PDE10A: variants seen among roughly 807,000 people sequenced by gnomAD.
PDE10A encodes phosphodiesterase 10A, also known as cAMP and cAMP-inhibited cGMP 3',5'-cyclic phosphodiesterase 10A.
A neutral mutation model predicts 97.7 loss-of-function variants in PDE10A; 39 were observed. The observed-to-expected ratio is 0.40, with a 90% CI of 0.31 to 0.52. The LOEUF (loss-of-function observed/expected upper bound fraction) is 0.52. PDE10A is among the 20% of genes least tolerant of loss of function. The pLI, the probability that PDE10A is intolerant of heterozygous loss-of-function variation, is 0.56. For missense variants in PDE10A, 731 were observed against 1,047.8 expected (o/e 0.70, Z 4.17); for synonymous variants, 371 against 376.8 (o/e 0.98, Z 0.18).
chr6:165,565,077 C>A (rs1784710377), intron 1 of PDE10A, among the ~76,000 whole-genome samples: 1 of 151,824 alleles, frequency 6.6e-6, no homozygotes, highest in South Asian at 2.1e-4. Context: ...CATAAAGTAG[C>A]CAAAAGAGAG....
chr6:165,663,864 G>A (rs940791903), upstream of PDE10A, among the ~76,000 whole-genome samples: 1 of 152,160 alleles, frequency 6.6e-6, no homozygotes, highest in Non-Finnish European at 1.5e-5. Context: ...ACCCCCTTCC[G>A]TAGCCATGAA....
intron 1 of PDE10A, among the ~76,000 whole-genome samples, chr6:165,874,058 A>C (rs549680013): frequency 1.3e-5 from 2 of 152,336 alleles, no homozygotes; most frequent in South Asian, 4.1e-4. Context: ...GAGAAAATGA[A>C]GCATTATGGT....
chr6:165,522,538 A>G (rs979161712), intron 2 of PDE10A, among the ~76,000 whole-genome samples: 5 of 152,132 alleles, frequency 3.3e-5, no homozygotes, highest in Non-Finnish European at 5.9e-5. Context: ...CTCAATAAAC[A>G]TACAGAAAAG....
intron 2 of PDE10A, among the ~76,000 whole-genome samples, chr6:165,493,743 C>T (rs1270465131): frequency 1.3e-5 from 2 of 152,000 alleles, no homozygotes; most frequent in African/African-American, 4.8e-5. Flanking sequence ...ATTGGAAAAA[C>T]CCTACTAGAC....
At chr6:165,982,754 A>G (rs1292120660) in intron 1 of PDE10A, among the ~76,000 whole-genome samples, 5 of 149,338 alleles carry the variant, frequency 3.3e-5, no homozygotes, top group Non-Finnish European at 6.0e-5. Context: ...AAATACAACT[A>G]TTCGGGGTTT....
intron 13 of PDE10A, among the ~76,000 whole-genome samples, chr6:165,405,398 A>G (rs1787057868): frequency 6.6e-6 from 1 of 152,238 alleles, no homozygotes; most frequent in South Asian, 2.1e-4. Context: ...CCAGCTATAT[A>G]TTTAACAATG....
rs537213819 is a variant in PDE10A, at chr6:165,568,112, C to T, written c.866-24544G>A. On this transcript the variant is annotated intron_variant, in intron 1 of 21. Coordinates refer to ENST00000539869, the MANE Select transcript of PDE10A (RefSeq NM_001385079.1). ...CTCCTGGGTTCACGCCATTCTCCTGCCTCAGCCTCCCGAGTAGCTGGGACT... is the reference window on the plus strand; with the variant it reads ...CTCCTGGGTTCACGCCATTCTCCTGTCTCAGCCTCCCGAGTAGCTGGGACT... Among the ~76,000 whole-genome samples the T allele has an allele frequency of 2.0e-5, 3 of 150,682 alleles. No homozygotes were observed. In the South Asian group the frequency reaches 6.3e-4, roughly 32 times the overall value.
At position 165,332,896 on chromosome 6, in the gene PDE10A, T is replaced by A; in HGVS notation, c.*129A>T. The A allele has an allele frequency of 4.4e-6, 3 of 677,674 alleles. No homozygotes were observed. The highest frequency in any genetic ancestry group is 5.3e-6 in the Non-Finnish European group (2 of 375,244). 42.0% of individuals were successfully genotyped at this position (677,674 alleles called of 1,614,324 possible). A position where few individuals can be genotyped will look rare whatever the true frequency, so the allele number is the denominator to read the frequency against. ...CTTGACTTATTTATTTGATGTTACCTTCTTGAAGAGGTTTGCACCCCAGTT... is the reference window on the plus strand; with the variant it reads ...CTTGACTTATTTATTTGATGTTACCATCTTGAAGAGGTTTGCACCCCAGTT... On this transcript the variant is annotated 3_prime_UTR_variant, in exon 22 of 22. Coordinates refer to ENST00000539869, the MANE Select transcript of PDE10A (RefSeq NM_001385079.1).
At chr6:165,804,612 G>A (rs1779066982) in intron 1 of PDE10A, among the ~76,000 whole-genome samples, 1 of 152,248 alleles carries the variant, frequency 6.6e-6, no homozygotes, top group East Asian at 1.9e-4. Flanking sequence ...GCCGGAGTTT[G>A]GAAACCTGGG....
intron 2 of PDE10A, among the ~76,000 whole-genome samples, chr6:165,485,362 G>A (rs1779844217): frequency 6.6e-6 from 1 of 151,508 alleles, no homozygotes; most frequent in Non-Finnish European, 1.5e-5. Flanking sequence ...CAGCTACTCT[G>A]GAGGCTGAGG....
chr6:165,642,650 C>T (rs912087383), intron 1 of PDE10A, among the ~76,000 whole-genome samples: 4 of 152,246 alleles, frequency 2.6e-5, no homozygotes, highest in Admixed American at 1.3e-4. Context: ...CAAGTAAAAC[C>T]ATTTGTAGTC....
At chr6:165,350,198 CTG>C (rs2128185866) in intron 18 of PDE10A, among the ~76,000 whole-genome samples, 1 of 152,312 alleles carries the variant, frequency 6.6e-6, no homozygotes, top group South Asian at 2.1e-4. Flanking sequence ...GGGAGGGTAA[CTG>C]TATCCTGTAG....
At chr6:165,980,301 T>C (rs1784974442) in intron 1 of PDE10A, among the ~76,000 whole-genome samples, 1 of 152,244 alleles carries the variant, frequency 6.6e-6, no homozygotes, top group Non-Finnish European at 1.5e-5. Context: ...TTCAAATAGT[T>C]ATCATTTCTT....
At chr6:165,815,303 G>C (rs914105595) in intron 1 of PDE10A, among the ~76,000 whole-genome samples, 1 of 152,168 alleles carries the variant, frequency 6.6e-6, no homozygotes, top group African/African-American at 2.4e-5. Flanking sequence ...CTTCTTGAGG[G>C]GCAGGCATTT....
intron 1 of PDE10A, among the ~76,000 whole-genome samples, chr6:165,862,676 C>CTTT (rs200141487): frequency 4.3e-4 from 60 of 140,782 alleles, no homozygotes; most frequent in Non-Finnish European, 6.0e-4. Context: ...AGCAGTCGTC[C>CTTT]TTTTTTTTTT....
chr6:165,718,909 A>C (rs950594394), intron 1 of PDE10A, among the ~76,000 whole-genome samples: 7 of 152,230 alleles, frequency 4.6e-5, no homozygotes, highest in African/African-American at 1.7e-4. Context: ...CAGGGAGGAA[A>C]AAAAAGTTGT....
At chr6:165,956,394 A>G (rs1784135308) in intron 1 of PDE10A, among the ~76,000 whole-genome samples, 1 of 152,160 alleles carries the variant, frequency 6.6e-6, no homozygotes. Context: ...GTGGTTTCTT[A>G]TGGTTTAATT....
intron 1 of PDE10A, among the ~76,000 whole-genome samples, chr6:165,748,062 T>A (rs981133266): frequency 6.6e-6 from 1 of 152,140 alleles, no homozygotes; most frequent in African/African-American, 2.4e-5. Context: ...TCCTACACGA[T>A]CCACCACCTT....
chr6:165,687,669 T>C (rs1048408904), intron 1 of PDE10A, among the ~76,000 whole-genome samples: 1 of 152,186 alleles, frequency 6.6e-6, no homozygotes, highest in Non-Finnish European at 1.5e-5. Flanking sequence ...TTCTACGCTG[T>C]TTTTATGCAC....
Sources: allele counts gnomAD v4.1 joint callset (sites outside exome capture counted in the v4.1 genomes callset), GRCh38; gene constraint gnomAD v4.1.1; transcripts MANE v1.5; gene names NCBI Gene and HGNC (gene_info 2026-07-23, HGNC 2026-07-21).